The following ZNF365 variants were observed in gnomAD, a reference collection of about 807,000 sequenced individuals.
ZNF365 encodes the protein zinc finger protein 365.
ZNF365 carries 22 observed loss-of-function variants against 35.0 expected under a neutral mutation model. That is an observed-to-expected ratio of 0.63 (90% CI 0.45 to 0.90). The LOEUF (loss-of-function observed/expected upper bound fraction) is 0.90, where lower values mean the gene tolerates loss of function less well. ZNF365 is among the 40% of genes least tolerant of loss of function. ZNF365 has a pLI of 0.00. For missense variants in ZNF365, 448 were observed against 500.3 expected, an observed-to-expected ratio of 0.90 and a Z score of 1.00; for synonymous variants, 188 against 196.2, an observed-to-expected ratio of 0.96 and a Z score of 0.35.
intron 4 of ZNF365, among the ~76,000 whole-genome samples, chr10:62,470,178 T>A (rs1841011101): frequency 6.6e-6 from 1 of 152,108 alleles, no homozygotes; most frequent in South Asian, 2.1e-4. Flanking sequence ...CCAGGAAACA[T>A]CAGTAAGGTA....
chr10:62,408,522 G>A (rs1046129679), intron 3 of ZNF365, among the ~76,000 whole-genome samples: 11 of 152,166 alleles, frequency 7.2e-5, no homozygotes, highest in South Asian at 6.2e-4. Context: ...TTTGTATTCA[G>A]GATCATGGTG....
Position 62,376,178 on chromosome 10 carries a change from C to G in ZNF365, c.-13-3C>G. ...TGTAAACTACCTATTTCCCCCCTCC[C>G]AGGACTTTTAGAGTAATGCAACAGA... On this transcript the variant is annotated splice_polypyrimidine_tract_variant and splice_region_variant and intron_variant, in intron 1 of 4. Transcript: ENST00000395254. 6.2e-7 allele frequency: 1 copy of G among 1,612,896 alleles called. No homozygotes were observed. The highest frequency in any genetic ancestry group is 8.5e-7 in the Non-Finnish European group (1 of 1,179,296).
intron 3 of ZNF365, among the ~76,000 whole-genome samples, chr10:62,418,262 TG>T (rs1840111710): frequency 6.6e-6 from 1 of 152,058 alleles, no homozygotes; most frequent in African/African-American, 2.4e-5. Flanking sequence ...AATATTTATA[TG>T]GTTTGGAGTT....
chr10:62,427,389 G>A (rs754268629), intron 3 of ZNF365, among the ~76,000 whole-genome samples: 47 of 152,114 alleles, frequency 3.1e-4, no homozygotes, highest in South Asian at 2.1e-4. Context: ...CAGCATAGGA[G>A]CAATAGGCTA....
intron 3 of ZNF365, among the ~76,000 whole-genome samples, chr10:62,422,443 T>C (rs1290199676): frequency 6.6e-6 from 1 of 152,146 alleles, no homozygotes; most frequent in Non-Finnish European, 1.5e-5. Flanking sequence ...TTGCCAGTTT[T>C]GAATGGACCT....
At position 62,399,861 on chromosome 10, in the gene ZNF365, C is replaced by T; in HGVS notation, c.*72C>T. 1.3e-6 allele frequency: 2 copies of T among 1,503,254 alleles called. No homozygotes were observed. Among genetic ancestry groups the T allele is most frequent in the South Asian group, 1.3e-5 (1 of 75,724 alleles). 93.1% of individuals were successfully genotyped at this position (1,503,254 alleles called of 1,614,324 possible). A position where few individuals can be genotyped will look rare whatever the true frequency, so the allele number is the denominator to read the frequency against. On this transcript the variant is annotated 3_prime_UTR_variant, in exon 5 of 5. Transcript: ENST00000395254. ...TTGTTCCAGGAGCCAACAGTAATGT[C>T]TTTCTGGAAACATTCCATAGTAAGA...
At chr10:62,395,662 T>A (rs1323340251) in intron 3 of ZNF365, among the ~76,000 whole-genome samples, 2 of 152,012 alleles carry the variant, frequency 1.3e-5, no homozygotes, top group Non-Finnish European at 2.9e-5. Context: ...AGGCCAAATC[T>A]GACATTCTAA....
At chr10:62,411,533 G>T (rs901143389) in intron 3 of ZNF365, among the ~76,000 whole-genome samples, 2 of 152,118 alleles carry the variant, frequency 1.3e-5, no homozygotes, top group Admixed American at 1.3e-4. Context: ...ATTAAATAGG[G>T]AATCCTTTCC....
chr10:62,435,779 G>T (rs1840397667), intron 3 of ZNF365, among the ~76,000 whole-genome samples: 1 of 152,058 alleles, frequency 6.6e-6, no homozygotes, highest in Admixed American at 6.6e-5. Flanking sequence ...TCCATAACAA[G>T]AAAACAAACT....
At chr10:62,402,476 G>C (rs1839844933), downstream of ZNF365, 1 of 984,920 alleles carries the variant, frequency 1.0e-6, no homozygotes, top group Admixed American at 6.1e-5. Context: ...TGTCTAGTTG[G>C]AGTGTTTTTT....
downstream of ZNF365, among the ~76,000 whole-genome samples, chr10:62,404,518 T>C (rs1839876202): frequency 6.6e-6 from 1 of 152,232 alleles, no homozygotes; most frequent in Non-Finnish European, 1.5e-5. Context: ...CTACTCCTTT[T>C]CTCAGCCATT....
intron 4 of ZNF365, among the ~76,000 whole-genome samples, chr10:62,474,199 C>T (rs887508440): frequency 7.2e-5 from 11 of 152,178 alleles, no homozygotes; most frequent in African/African-American, 2.7e-4. Context: ...ATAAGAACCC[C>T]ATGATCATGG....
chr10:62,433,474 A>G (rs1840362467), intron 3 of ZNF365, among the ~76,000 whole-genome samples: 1 of 152,212 alleles, frequency 6.6e-6, no homozygotes. Flanking sequence ...CAAATTGCTC[A>G]TGCACAGATG....
At chr10:62,474,645 T>C (rs989748626) in intron 4 of ZNF365, among the ~76,000 whole-genome samples, 1 of 152,230 alleles carries the variant, frequency 6.6e-6, no homozygotes, top group Non-Finnish European at 1.5e-5. Context: ...AATAAGCCAA[T>C]GATTCTCCAA....
At chr10:62,475,746 C>A (rs577073518) in intron 4 of ZNF365, among the ~76,000 whole-genome samples, 6 of 152,256 alleles carry the variant, frequency 3.9e-5, no homozygotes, top group African/African-American at 1.4e-4. Flanking sequence ...GGCACCATGG[C>A]GGGATGAAGC....
At chr10:62,459,751 G>T (rs368858775) in exon 4 of ZNF365, 31 of 1,610,542 alleles carry the variant, frequency 1.9e-5, no homozygotes, top group Non-Finnish European at 2.6e-5. Flanking sequence ...AGCTGGAAAG[G>T]TGCTGGCGAA....
Position 62,401,343 on chromosome 10 carries a change from A to T in ZNF365, c.*1554A>T, listed in dbSNP as rs893477825. ...TATGATTGTTACTGCAATAAGCATC[A>T]AATTAGCAGCGCATTAAAAATAGGA... On this transcript the variant is annotated 3_prime_UTR_variant, in exon 5 of 5. Coordinates refer to ENST00000395254, the MANE Select transcript of ZNF365 (RefSeq NM_014951.3). 1.0e-6 allele frequency: 1 copy of T among 985,478 alleles called. No individual in the cohort carries two copies. The highest frequency in any genetic ancestry group is 1.2e-6 in the Non-Finnish European group (1 of 829,944). The allele number at this position is 985,478 out of a possible 1,614,324, so 61.0% of individuals were successfully genotyped here.
intron 3 of ZNF365, among the ~76,000 whole-genome samples, chr10:62,419,574 G>A (rs1353811968): frequency 2.0e-5 from 3 of 151,882 alleles, no homozygotes; most frequent in Admixed American, 2.0e-4. Flanking sequence ...AGGTAACACT[G>A]ATTAATGATT....
chr10:62,449,079 GAA>G (rs543309692), intron 3 of ZNF365, among the ~76,000 whole-genome samples: 251 of 152,306 alleles, frequency 1.6e-3, no homozygotes, highest in South Asian at 3.5e-3. Flanking sequence ...TGAGAGAAGG[GAA>G]AAGAGAGGAA....
Sources: gnomAD v4.1 joint callset for allele counts (sites outside exome capture counted in the v4.1 genomes callset) on GRCh38, gnomAD v4.1.1 for gene constraint, MANE v1.5 for transcripts, NCBI Gene and HGNC (gene_info 2026-07-23, HGNC 2026-07-21) for gene names.